The following NEDD4 variants were observed in gnomAD, a reference collection of about 807,000 sequenced individuals.
NEDD4 encodes the protein NEDD4 E3 ubiquitin protein ligase, also known as E3 ubiquitin-protein ligase NEDD4.
A neutral mutation model predicts 144.9 loss-of-function variants in NEDD4; 99 were observed. The ratio of observed to expected loss-of-function variants is 0.68; its 90% CI spans 0.58 to 0.81. NEDD4 has a LOEUF of 0.81. NEDD4 is among the 30% of genes least tolerant of loss of function. The probability of loss-of-function intolerance (pLI) is 0.00; values close to 1 mark genes in which losing one functional copy is unlikely to be tolerated. For missense variants in NEDD4, 985 were observed against 1,065.9 expected (o/e 0.92, Z 1.06); for synonymous variants, 318 against 350.6 (o/e 0.91, Z 1.04).
intron 28 of NEDD4, among the ~76,000 whole-genome samples, chr15:55,830,306 C>A (rs948918787): frequency 6.6e-6 from 1 of 152,210 alleles, no homozygotes; most frequent in Non-Finnish European, 1.5e-5. Context: ...TTAGGTGGGT[C>A]TCTCTGATCT....
At chr15:55,871,685 C>G (rs1203547380) in intron 7 of NEDD4, among the ~76,000 whole-genome samples, 1 of 152,064 alleles carries the variant, frequency 6.6e-6, no homozygotes, top group Admixed American at 6.6e-5. Context: ...TTTAAAAAAT[C>G]ATTTTTAAGT....
chr15:55,915,112 C>T (rs1296536062), intron 5 of NEDD4, among the ~76,000 whole-genome samples: 2 of 151,954 alleles, frequency 1.3e-5, no homozygotes. Flanking sequence ...GAGTAAAAAA[C>T]TATACATAGA....
intron 2 of NEDD4, among the ~76,000 whole-genome samples, chr15:55,952,283 A>G (rs2037255497): frequency 6.6e-6 from 1 of 152,082 alleles, no homozygotes; most frequent in African/African-American, 2.4e-5. Flanking sequence ...GCAGTGAGCC[A>G]AGATCACGCC....
chr15:55,856,407 GA>G (rs1206387751), intron 11 of NEDD4, among the ~76,000 whole-genome samples: 1 of 152,078 alleles, frequency 6.6e-6, no homozygotes, highest in Non-Finnish European at 1.5e-5. Context: ...CCCCGTGCTG[GA>G]CTGCCTCCTG....
intron 5 of NEDD4, among the ~76,000 whole-genome samples, chr15:55,923,630 A>C (rs1412191077): frequency 2.8e-5 from 4 of 145,036 alleles, no homozygotes; most frequent in African/African-American, 1.0e-4. Context: ...CTGGCGACAA[A>C]GCGAGACTCC....
At chr15:55,885,792 A>C (rs934713691) in intron 5 of NEDD4, among the ~76,000 whole-genome samples, 8 of 152,154 alleles carry the variant, frequency 5.3e-5, no homozygotes, top group Non-Finnish European at 1.0e-4. Flanking sequence ...GGAAGAAAAA[A>C]CTATAAAACA....
intron 5 of NEDD4, among the ~76,000 whole-genome samples, chr15:55,894,698 T>G (rs528213449): frequency 1.5e-4 from 23 of 152,164 alleles, no homozygotes; most frequent in Non-Finnish European, 3.1e-4. Flanking sequence ...AACAGATGAT[T>G]TACCTTGTCA....
At chr15:55,899,790 G>T (rs1186152735) in intron 5 of NEDD4, among the ~76,000 whole-genome samples, 1 of 152,222 alleles carries the variant, frequency 6.6e-6, no homozygotes, top group Non-Finnish European at 1.5e-5. Context: ...GCAGGAGCCA[G>T]TGATCACATG....
chr15:55,895,011 G>A (rs2035694931), intron 5 of NEDD4, among the ~76,000 whole-genome samples: 1 of 152,124 alleles, frequency 6.6e-6, no homozygotes, highest in South Asian at 2.1e-4. Flanking sequence ...CTAAAAAAGG[G>A]AGGGGCTCAT....
At chr15:55,928,408 G>A (rs1324883667) in intron 4 of NEDD4, among the ~76,000 whole-genome samples, 1 of 152,044 alleles carries the variant, frequency 6.6e-6, no homozygotes, top group Non-Finnish European at 1.5e-5. Flanking sequence ...TGTCCCCAAT[G>A]GTCTAAATAA....
At chr15:55,844,218 TA>T (rs1566904715) in intron 18 of NEDD4, among the ~76,000 whole-genome samples, 1 of 151,890 alleles carries the variant, frequency 6.6e-6, no homozygotes, top group Non-Finnish European at 1.5e-5. Flanking sequence ...GCAGGGATTA[TA>T]GGGGAAAAAT....
At chr15:55,989,313 T>G (rs1000021830) in intron 1 of NEDD4, among the ~76,000 whole-genome samples, 1 of 152,180 alleles carries the variant, frequency 6.6e-6, no homozygotes, top group Non-Finnish European at 1.5e-5. Context: ...CCCTGCTCCA[T>G]GAAAAATACT....
chr15:55,856,049 G>A (rs531071935), intron 12 of NEDD4, 82 bp downstream of exon 12: 22 of 1,240,968 alleles, frequency 1.8e-5, no homozygotes, highest in Admixed American at 1.4e-4. Context: ...TAAGGCAAAC[G>A]TTCACACTCA....
At chr15:55,957,969 T>A (rs73418178) in intron 2 of NEDD4, among the ~76,000 whole-genome samples, 20,432 of 151,914 alleles carry the variant, frequency 0.13, 1,500 homozygotes, top group East Asian at 0.32. Flanking sequence ...GGGCCTGTCG[T>A]GGAGTGGGGG....
intron 2 of NEDD4, among the ~76,000 whole-genome samples, chr15:55,962,782 AC>A (rs1178334593): frequency 6.7e-6 from 1 of 149,698 alleles, no homozygotes; most frequent in Non-Finnish European, 1.5e-5. Flanking sequence ...TCCTTTTCCG[AC>A]TTTTATTTTT....
chr15:55,830,218 C>T (rs1184022592), intron 28 of NEDD4, among the ~76,000 whole-genome samples: 1 of 152,216 alleles, frequency 6.6e-6, no homozygotes, highest in Admixed American at 6.5e-5. Context: ...TTCCAAATGT[C>T]TGAGTTCTCT....
In NEDD4 at chr15:55,967,512, C is replaced by T. The variant is rs931793509; in HGVS notation, c.46-966G>A. 8.7e-5 allele frequency among the ~76,000 whole-genome samples: 13 copies of T among 149,512 alleles called. 1 individual carries two copies. The Middle Eastern group carries it at 0.021, about 238-fold the overall frequency. On this transcript the variant is annotated intron_variant, in intron 1 of 28. Transcript: ENST00000435532. ...TACAAATAAAGGGGAATAAGCGAAA[C>T]GTTACCAATTTGTGGATCTAGTTCT... is the stretch of plus-strand genomic sequence containing the variant.
chr15:55,917,739 A>G (rs1450422654), intron 5 of NEDD4, among the ~76,000 whole-genome samples: 1 of 152,126 alleles, frequency 6.6e-6, no homozygotes, highest in Non-Finnish European at 1.5e-5. Flanking sequence ...CCAGCCAAGT[A>G]GAACAGTCTT....
intron 5 of NEDD4, among the ~76,000 whole-genome samples, chr15:55,888,118 A>G (rs1449957958): frequency 1.3e-5 from 2 of 152,080 alleles, no homozygotes; most frequent in African/African-American, 4.8e-5. Context: ...CAATGTAGTA[A>G]GGGAAGTCCT....
Sources: gnomAD v4.1 joint callset for allele counts (sites outside exome capture counted in the v4.1 genomes callset) on GRCh38, gnomAD v4.1.1 for gene constraint, MANE v1.5 for transcripts, NCBI Gene and HGNC (gene_info 2026-07-23, HGNC 2026-07-21) for gene names.